PDE3A: variants seen among roughly 807,000 people sequenced by gnomAD.
PDE3A encodes the protein phosphodiesterase 3A, also known as cGMP-inhibited 3',5'-cyclic phosphodiesterase 3A.
Under a neutral mutation model 98.3 loss-of-function variants are expected in PDE3A, and 43 were observed. The ratio of observed to expected loss-of-function variants is 0.44; its 90% CI spans 0.34 to 0.56. PDE3A has a LOEUF of 0.56. Among genes scored for constraint, PDE3A ranks in the 20% least tolerant of loss-of-function variants. PDE3A has a pLI of 0.01. For synonymous variants in PDE3A, 663 were observed against 567.9 expected, an observed-to-expected ratio of 1.17 and a Z score of -2.38; for missense variants, 1,427 against 1,440.7, an observed-to-expected ratio of 0.99 and a Z score of 0.15.
At chr12:20,631,801 T>C (rs887110435) in intron 6 of PDE3A, among the ~76,000 whole-genome samples, 10 of 151,984 alleles carry the variant, frequency 6.6e-5, no homozygotes, top group African/African-American at 2.2e-4. Flanking sequence ...ACTTGTTCAG[T>C]AATGTTTATA....
At position 20,553,815 on chromosome 12, in the gene PDE3A, A is replaced by G. The variant is rs375347132; in HGVS notation, c.961-2845A>G. ...GATTCGTTCCTTCTTTCTAAAGACG[A>G]CAGTCTTTGTTGTTAGCACTGAATT... On this transcript the variant is annotated intron_variant, in intron 1 of 15. Coordinates refer to ENST00000359062, the MANE Select transcript of PDE3A (RefSeq NM_000921.5). 8.7e-4 allele frequency among the ~76,000 whole-genome samples: 132 copies of G among 152,234 alleles called. 1 individual carries two copies. The East Asian group carries it at 0.016, about 18-fold the overall frequency.
intron 15 of PDE3A, among the ~76,000 whole-genome samples, chr12:20,670,430 T>C (rs867308008): frequency 2.6e-5 from 4 of 151,874 alleles, no homozygotes; most frequent in Admixed American, 6.6e-5. Flanking sequence ...TATTCCAAAA[T>C]TGACCACATA....
At chr12:20,649,926 CA>C (rs1024129139) in intron 13 of PDE3A, among the ~76,000 whole-genome samples, 1 of 144,272 alleles carries the variant, frequency 6.9e-6, no homozygotes, top group East Asian at 2.2e-4. Context: ...GACTCTGTCT[CA>C]AAAAAAGAAA....
At chr12:20,390,106 A>G (rs952910300) in intron 1 of PDE3A, among the ~76,000 whole-genome samples, 1 of 151,930 alleles carries the variant, frequency 6.6e-6, no homozygotes, top group East Asian at 1.9e-4. Flanking sequence ...TGGAAAAGAC[A>G]TGTGAAAAAG....
At chr12:20,501,434 A>T (rs1168446804) in intron 1 of PDE3A, among the ~76,000 whole-genome samples, 2 of 152,198 alleles carry the variant, frequency 1.3e-5, no homozygotes, top group Non-Finnish European at 2.9e-5. Flanking sequence ...AGTATACATG[A>T]TTGAGCATTT....
chr12:20,420,797 G>A (rs1197520238), intron 1 of PDE3A, among the ~76,000 whole-genome samples: 1 of 152,198 alleles, frequency 6.6e-6, no homozygotes, highest in Non-Finnish European at 1.5e-5. Context: ...GGGTTAAGGT[G>A]TAGTCCATTT....
intron 1 of PDE3A, among the ~76,000 whole-genome samples, chr12:20,497,531 A>C (rs1945942373): frequency 7.0e-6 from 1 of 143,164 alleles, no homozygotes; most frequent in Non-Finnish European, 1.6e-5. Context: ...TTGTGCCCTA[A>C]AAAAAAAAAC....
chr12:20,410,911 C>G (rs1944321688), intron 1 of PDE3A, among the ~76,000 whole-genome samples: 2 of 152,186 alleles, frequency 1.3e-5, no homozygotes, highest in South Asian at 4.1e-4. Context: ...GAGCCCTTAT[C>G]TCTTGTCTCC....
intron 2 of PDE3A, among the ~76,000 whole-genome samples, chr12:20,578,531 T>G: frequency 6.6e-6 from 1 of 150,774 alleles, no homozygotes; most frequent in African/African-American, 2.4e-5. Context: ...AATGCGCAGG[T>G]GGAAAATAGG....
intron 1 of PDE3A, among the ~76,000 whole-genome samples, chr12:20,416,078 C>T (rs1046406693): frequency 6.6e-6 from 1 of 152,102 alleles, no homozygotes; most frequent in African/African-American, 2.4e-5. Context: ...TTTAGAAATA[C>T]AAAATCAAGG....
intron 1 of PDE3A, among the ~76,000 whole-genome samples, chr12:20,489,387 C>T (rs1945790236): frequency 6.6e-6 from 1 of 152,096 alleles, no homozygotes; most frequent in Admixed American, 6.6e-5. Flanking sequence ...TTGAGGTGGG[C>T]ATGAGAAATG....
chr12:20,389,566 G>A (rs1057017175), intron 1 of PDE3A, among the ~76,000 whole-genome samples: 4 of 151,908 alleles, frequency 2.6e-5, no homozygotes, highest in African/African-American at 7.2e-5. Flanking sequence ...CACTGTTTGA[G>A]TTTTTTATTC....
At chr12:20,662,957 A>C (rs1945213829) in intron 15 of PDE3A, among the ~76,000 whole-genome samples, 1 of 152,198 alleles carries the variant, frequency 6.6e-6, no homozygotes, top group Admixed American at 6.5e-5. Context: ...CTAGGCAGAA[A>C]AAACGATTTC....
chr12:20,498,972 C>CATCT (rs1263021383), intron 1 of PDE3A, among the ~76,000 whole-genome samples: 2 of 152,098 alleles, frequency 1.3e-5, no homozygotes, highest in Non-Finnish European at 2.9e-5. Context: ...GACCAATGAT[C>CATCT]ATCTGTATGT....
chr12:20,450,555 C>T (rs534734491), intron 1 of PDE3A, among the ~76,000 whole-genome samples: 4 of 152,278 alleles, frequency 2.6e-5, no homozygotes, highest in South Asian at 2.1e-4. Context: ...AAAAGAGATT[C>T]GTGGGATATT....
rs73075198 is a variant in PDE3A at position 20,552,606 on chromosome 12, C to T, written c.961-4054C>T. The T allele has an allele frequency of 0.31, 498,066 of 1,612,852 alleles. 81,790 individuals carry two copies. The highest frequency in any genetic ancestry group is 0.34 in the Non-Finnish European group (402,507 of 1,179,288). ...CGGCAGGAGGTGGCCCGAGCAGGGCCGGGTCCCCGCGCCGGACATCCAAGA... is the reference window on the plus strand; with the variant it reads ...CGGCAGGAGGTGGCCCGAGCAGGGCTGGGTCCCCGCGCCGGACATCCAAGA... On this transcript the variant is annotated intron_variant, in intron 1 of 15. Transcript: ENST00000359062. The surrounding 1 kb of genome is among the most constrained non-coding windows in gnomAD (Gnocchi z 5.1).
At chr12:20,622,793 C>A (rs1335875633) in intron 5 of PDE3A, among the ~76,000 whole-genome samples, 1 of 152,036 alleles carries the variant, frequency 6.6e-6, no homozygotes, top group Non-Finnish European at 1.5e-5. Context: ...TGTAGGACCC[C>A]TTGGCTCCCT....
At chr12:20,639,261 G>T (rs1470893436) in intron 9 of PDE3A, among the ~76,000 whole-genome samples, 2 of 151,964 alleles carry the variant, frequency 1.3e-5, no homozygotes, top group African/African-American at 4.8e-5. Context: ...ACAATAAAAA[G>T]ATTAAGGATA....
At chr12:20,592,908 A>G (rs568717843) in intron 2 of PDE3A, among the ~76,000 whole-genome samples, 3 of 151,944 alleles carry the variant, frequency 2.0e-5, no homozygotes, top group African/African-American at 7.2e-5. Flanking sequence ...ACATTGTGTT[A>G]GAAGGCAATT....
Sources: gnomAD v4.1 joint callset for allele counts (sites outside exome capture counted in the v4.1 genomes callset) on GRCh38, gnomAD v4.1.1 for gene constraint, Gnocchi (gnomAD v3.1) non-coding constraint, MANE v1.5 for transcripts, NCBI Gene and HGNC (gene_info 2026-07-23, HGNC 2026-07-21) for gene names.